Variants in HPS3 observed in about 807,000 individuals in gnomAD.
HPS3 encodes the protein HPS3 biogenesis of lysosomal organelles complex 2 subunit 1.
A neutral mutation model predicts 110.9 loss-of-function variants in HPS3; 79 were observed. The observed-to-expected ratio is 0.71, with a 90% CI of 0.59 to 0.86. HPS3 has a LOEUF of 0.86. HPS3 is among the 40% of genes least tolerant of loss of function. The pLI, the probability that HPS3 is intolerant of heterozygous loss-of-function variation, is 0.00. For synonymous variants in HPS3, 428 were observed against 451.0 expected, an observed-to-expected ratio of 0.95 and a Z score of 0.65; for missense variants, 1,197 against 1,206.2, an observed-to-expected ratio of 0.99 and a Z score of 0.11.
At position 149,167,114 on chromosome 3, in the gene HPS3, C is replaced by T. The variant is rs1724501600; in HGVS notation, c.2670C>T (p.Gly890=). The stretch of plus-strand genomic sequence containing the variant: ...CACTTTCAGAAGACACTATTGCCGG[C>T]CTCAGTGTCCATGTTCTGTGTCGTA... ...LEPLSEDTIA[G]LSVHVLCRTR... is the part of the protein sequence containing the mutation. The change falls in exon 15 of 17, where the codon GGC becomes GGT. Residue 890 remains glycine, a synonymous_variant. Transcript: ENST00000296051. 2 of 1,613,860 alleles carry T rather than the reference C, an allele frequency of 1.2e-6. No homozygotes were observed. Among genetic ancestry groups the T allele is most frequent in the African/African-American group, 2.7e-5 (2 of 75,030 alleles).
intron 1 of HPS3, among the ~76,000 whole-genome samples, chr3:149,131,466 G>T (rs960822680): frequency 4.6e-5 from 7 of 152,044 alleles, no homozygotes; most frequent in African/African-American, 1.7e-4. Context: ...CATAATTATT[G>T]TATCTATTAC....
intron 1 of HPS3, among the ~76,000 whole-genome samples, chr3:149,134,666 G>T (rs1048036795): frequency 6.6e-6 from 1 of 152,202 alleles, no homozygotes; most frequent in Non-Finnish European, 1.5e-5. Context: ...TATTTAATCA[G>T]GGTTGAGAAC....
intron 13 of HPS3, 101 bp from the exon 14 acceptor site, chr3:149,163,741 A>G (rs565670564): frequency 1.5e-4 from 103 of 709,952 alleles, no homozygotes; most frequent in Non-Finnish European, 2.3e-4. Flanking sequence ...ACCTAATTCT[A>G]TGACATGGCA....
At position 149,172,207 on chromosome 3, in the gene HPS3, GA is replaced by G; in HGVS notation, c.3003del (p.Lys1001AsnfsTer3). The G allele has an allele frequency of 6.2e-7, 1 of 1,613,296 alleles. No individual in the cohort carries two copies. The highest frequency in any genetic ancestry group is 8.5e-7 in the Non-Finnish European group (1 of 1,179,608). On this transcript the variant is annotated frameshift_variant, in exon 17 of 17. Coordinates refer to ENST00000296051, the MANE Select transcript of HPS3 (RefSeq NM_032383.5). LOFTEE classifies it high-confidence loss of function. ...LPYLLYCSRK[K>X]PLT is the part of the protein sequence containing the mutation. ...CATATCTTCTCTATTGCAGTCGAAAGAAACCATTGACTTAAAGGTATCATTT... is the reference window on the plus strand; with the variant it reads ...CATATCTTCTCTATTGCAGTCGAAAGAACCATTGACTTAAAGGTATCATTT...
Position 149,158,843 on chromosome 3 carries a change from TGAAGTG to T in HPS3, c.1870_1872+3del. 6.4e-7 allele frequency: 1 copy of T among 1,564,746 alleles called. No individual in the cohort carries two copies. The highest frequency in any genetic ancestry group is 8.8e-7 in the Non-Finnish European group (1 of 1,135,344). On this transcript the variant is annotated splice_donor_variant and splice_donor_region_variant and coding_sequence_variant and intron_variant, in exon 10 of 17. Transcript: ENST00000296051. LOFTEE classifies it high-confidence loss of function. The stretch of plus-strand genomic sequence containing the variant: ...ATGAAAACCTGGATGAAGAATTAAA[TGAAGTG>T]ATTATAGTTTTCTGTTTTCTATCTA...
Position 149,129,645 on chromosome 3 carries a change from G to A in HPS3, c.-79G>A, listed in dbSNP as rs1721610811. ...CGTCATTGGCTCGCTCGCGGAAGTAGTCCTACATTCGCGGTCAGCGCGGGG... is the reference window on the plus strand; with the variant it reads ...CGTCATTGGCTCGCTCGCGGAAGTAATCCTACATTCGCGGTCAGCGCGGGG... On this transcript the variant is annotated 5_prime_UTR_variant, in exon 1 of 17. Coordinates refer to ENST00000296051, the MANE Select transcript of HPS3 (RefSeq NM_032383.5). 8.8e-7 allele frequency: 1 copy of A among 1,139,894 alleles called. No homozygotes were observed. The highest frequency in any genetic ancestry group is 1.2e-6 in the Non-Finnish European group (1 of 834,160). The allele number at this position is 1,139,894 out of a possible 1,614,324, so 70.6% of individuals were successfully genotyped here.
chr3:149,160,429 A>G (rs1723717086), intron 11 of HPS3, 150 bp downstream of exon 11: 1 of 673,600 alleles, frequency 1.5e-6, no homozygotes, highest in Non-Finnish European at 2.7e-6. Flanking sequence ...TCCAAATGGG[A>G]CTTCGGATCT....
intron 11 of HPS3, among the ~76,000 whole-genome samples, chr3:149,161,563 G>A (rs1349676885): frequency 1.4e-5 from 2 of 142,458 alleles, no homozygotes; most frequent in Non-Finnish European, 3.0e-5. Context: ...AGGCTGGAGT[G>A]CAGTGGCGCA....
At chr3:149,135,377 G>A (rs1722024781) in intron 1 of HPS3, among the ~76,000 whole-genome samples, 1 of 152,096 alleles carries the variant, frequency 6.6e-6, no homozygotes, top group African/African-American at 2.4e-5. Context: ...GCGGGACCAG[G>A]TGGAGGTAAT....
rs774685745 is a variant in HPS3 at position 149,167,081 on chromosome 3, C to T, written c.2637C>T (p.Phe879=). The change falls in exon 15 of 17, where the codon TTC becomes TTT. Residue 879 remains phenylalanine (F), a synonymous_variant. Transcript: ENST00000296051. ...PSFDIASIIP[F]LEPLSEDTIA... is the part of the protein sequence containing the mutation. ...TTGACATAGCTTCCATTATTCCGTT[C>T]TTGGAGCCACTTTCAGAAGACACTA... 3 of 1,613,856 alleles carry T rather than the reference C, an allele frequency of 1.9e-6. No homozygotes were observed. In the African/African-American group the frequency reaches 4.0e-5, roughly 22 times the overall value.
At chr3:149,131,627 T>C (rs1488609588) in intron 1 of HPS3, among the ~76,000 whole-genome samples, 1 of 152,184 alleles carries the variant, frequency 6.6e-6, no homozygotes, top group Non-Finnish European at 1.5e-5. Context: ...CCCTAGGCCC[T>C]GAGACACAAC....
intron 4 of HPS3, among the ~76,000 whole-genome samples, chr3:149,142,448 A>G (rs564838040): frequency 3.3e-5 from 5 of 152,238 alleles, no homozygotes; most frequent in African/African-American, 9.6e-5. Flanking sequence ...GCTTTTTAAG[A>G]TATTGATACT....
intron 1 of HPS3, among the ~76,000 whole-genome samples, chr3:149,135,430 G>A (rs1425834112): frequency 6.6e-6 from 1 of 152,134 alleles, no homozygotes; most frequent in Non-Finnish European, 1.5e-5. Context: ...TCTCATGATA[G>A]TGAATTCTCA....
At chr3:149,172,023 GT>G in intron 16 of HPS3, 71 bp from the exon 17 acceptor site, 1 of 1,511,380 alleles carries the variant, frequency 6.6e-7, no homozygotes, top group Non-Finnish European at 9.1e-7. Context: ...CTTCTAATTG[GT>G]TGGTTAAGTA....
chr3:149,133,794 G>GT (rs903985525), intron 1 of HPS3, among the ~76,000 whole-genome samples: 8 of 151,316 alleles, frequency 5.3e-5, no homozygotes, highest in African/African-American at 1.5e-4. Flanking sequence ...ACATTGCTTT[G>GT]TTTTTTTGTT....
intron 4 of HPS3, 25 bp downstream of exon 4, chr3:149,141,405 G>C (rs749167874): frequency 6.4e-7 from 1 of 1,564,046 alleles, no homozygotes; most frequent in East Asian, 2.2e-5. Flanking sequence ...GCAGGAGTGC[G>C]ACAGTGCAGC....
rs1725052667 is a variant in HPS3 at position 149,172,096 on chromosome 3, A to G, written c.2889A>G (p.Glu963=). 6.2e-7 allele frequency: 1 copy of G among 1,612,968 alleles called. No homozygotes were observed. Among genetic ancestry groups the G allele is most frequent in the East Asian group, 2.2e-5 (1 of 44,844 alleles). Residue 963 remains glutamate (E), a splice_region_variant and synonymous_variant, in exon 17 of 17, where the codon GAA becomes GAG. Coordinates refer to ENST00000296051, the MANE Select transcript of HPS3 (RefSeq NM_032383.5). ...KYQLYLSSLK[E]TLSIVAVELE... Reference sequence around the variant, plus strand: ...ATTCAGATATTCTTTTCTACACAGAAACATTGTCAATTGTTGCTGTGGAAC... The same window carrying G: ...ATTCAGATATTCTTTTCTACACAGAGACATTGTCAATTGTTGCTGTGGAAC...
chr3:149,165,324 T>C (rs1724307514), intron 14 of HPS3, among the ~76,000 whole-genome samples: 1 of 152,232 alleles, frequency 6.6e-6, no homozygotes, highest in African/African-American at 2.4e-5. Context: ...AGCATATTTA[T>C]AATCATTGCT....
chr3:149,168,748 G>A (rs768834962), intron 16 of HPS3, among the ~76,000 whole-genome samples: 28 of 152,186 alleles, frequency 1.8e-4, no homozygotes, highest in Admixed American at 9.8e-4. Context: ...TGTCCTACCC[G>A]TCTCCCTGAT....
Sources: gnomAD v4.1 joint callset for allele counts (sites outside exome capture counted in the v4.1 genomes callset) on GRCh38, gnomAD v4.1.1 for gene constraint, MANE v1.5 for transcripts, NCBI Gene and HGNC (gene_info 2026-07-23, HGNC 2026-07-21) for gene names.